ATP10A: variants seen among roughly 807,000 people sequenced by gnomAD.
ATP10A encodes the protein ATPase phospholipid transporting 10A (putative).
ATP10A carries 111 observed loss-of-function variants against 147.8 expected under a neutral mutation model. The ratio of observed to expected loss-of-function variants is 0.75; its 90% CI spans 0.64 to 0.88. ATP10A has a LOEUF of 0.88. Ranked by LOEUF, ATP10A falls within the 40% of genes least tolerant of loss-of-function variation. The pLI, the probability that ATP10A is intolerant of heterozygous loss-of-function variation, is 0.00. For synonymous variants in ATP10A, 875 were observed against 841.6 expected (o/e 1.04, Z -0.69); for missense variants, 1,927 against 1,959.0 (o/e 0.98, Z 0.31).
chr15:25,711,647 T>C (rs1901427850), intron 10 of ATP10A, among the ~76,000 whole-genome samples: 2 of 152,278 alleles, frequency 1.3e-5, no homozygotes, highest in South Asian at 4.2e-4. Context: ...TTGATTAACT[T>C]TTCCTATCAA....
intron 2 of ATP10A, among the ~76,000 whole-genome samples, chr15:25,774,297 G>A (rs769159257): frequency 1.3e-5 from 2 of 152,080 alleles, no homozygotes; most frequent in East Asian, 1.9e-4. Context: ...TCAGAGGTTC[G>A]GGTGCGGTAG....
chr15:25,860,220 C>A (rs1893697354), intron 1 of ATP10A, among the ~76,000 whole-genome samples: 1 of 152,136 alleles, frequency 6.6e-6, no homozygotes. Flanking sequence ...CACCCCCCGC[C>A]CCCGATCTCT....
At chr15:25,849,137 C>T (rs1450990194) in intron 1 of ATP10A, among the ~76,000 whole-genome samples, 1 of 151,924 alleles carries the variant, frequency 6.6e-6, no homozygotes, top group African/African-American at 2.4e-5. Context: ...TGAATAACCT[C>T]GGTGGACCCT....
intron 2 of ATP10A, among the ~76,000 whole-genome samples, chr15:25,767,383 G>A (rs375089986): frequency 2.2e-4 from 34 of 152,318 alleles, no homozygotes; most frequent in African/African-American, 7.7e-4. Flanking sequence ...TCTGCTGGGA[G>A]ACCTGGATGA....
At chr15:25,700,124 T>A (rs1381575772) in intron 13 of ATP10A, among the ~76,000 whole-genome samples, 1 of 152,094 alleles carries the variant, frequency 6.6e-6, no homozygotes, top group East Asian at 1.9e-4. Context: ...AATAAGCACA[T>A]GGAAAGATGT....
At position 25,795,668 on chromosome 15, in the gene ATP10A, T is replaced by C. The variant is rs148251135; in HGVS notation, c.450-14445A>G. 7.1e-3 allele frequency among the ~76,000 whole-genome samples: 1,088 copies of C among 152,280 alleles called. 19 individuals carry two copies. Among genetic ancestry groups the C allele is most frequent in the African/African-American group, 0.024 (1,001 of 41,554 alleles). On this transcript the variant is annotated intron_variant, in intron 1 of 20. Coordinates refer to ENST00000555815, the MANE Select transcript of ATP10A (RefSeq NM_024490.4). Reference sequence around the variant, plus strand: ...CTGTCTGGAAGTATTTCTTTAGATATCATTTTATTCCTTCACTCTGCAGTC... The same window carrying C: ...CTGTCTGGAAGTATTTCTTTAGATACCATTTTATTCCTTCACTCTGCAGTC...
At chr15:25,702,391 C>A (rs1320510489) in intron 12 of ATP10A, among the ~76,000 whole-genome samples, 1 of 152,180 alleles carries the variant, frequency 6.6e-6, no homozygotes, top group Non-Finnish European at 1.5e-5. Context: ...TGTACTTACA[C>A]CAAAGTACCT....
intron 2 of ATP10A, among the ~76,000 whole-genome samples, chr15:25,749,464 C>CA (rs1432135277): frequency 6.6e-6 from 1 of 152,136 alleles, no homozygotes; most frequent in Non-Finnish European, 1.5e-5. Context: ...AGTCTTGCCT[C>CA]AGGAGTGGAG....
chr15:25,797,761 C>G (rs936457664), intron 1 of ATP10A, among the ~76,000 whole-genome samples: 2 of 152,108 alleles, frequency 1.3e-5, no homozygotes. Flanking sequence ...GGCACATCAC[C>G]AGGAGACTGC....
chr15:25,740,896 A>G (rs1171074888), intron 2 of ATP10A, among the ~76,000 whole-genome samples: 1 of 152,174 alleles, frequency 6.6e-6, no homozygotes, highest in African/African-American at 2.4e-5. Context: ...CTCGGCTACC[A>G]TCCCTCCCAG....
At chr15:25,728,001 G>A (rs1456143314) in intron 3 of ATP10A, among the ~76,000 whole-genome samples, 1 of 152,200 alleles carries the variant, frequency 6.6e-6, no homozygotes, top group Non-Finnish European at 1.5e-5. Context: ...AACCGGAACT[G>A]TAGCCCAGGC....
intron 7 of ATP10A, among the ~76,000 whole-genome samples, chr15:25,719,251 T>C (rs1441743204): frequency 1.3e-5 from 2 of 152,180 alleles, no homozygotes; most frequent in Admixed American, 6.5e-5. Context: ...GAGATACTTA[T>C]GGAGCCGGCC....
chr15:25,679,666 G>A lies in ATP10A; in HGVS notation c.4175C>T (p.Ala1392Val), dbSNP rs1403290397. 1.2e-5 allele frequency: 19 copies of A among 1,613,250 alleles called. No individual in the cohort carries two copies. Among genetic ancestry groups the A allele is most frequent in the Non-Finnish European group, 1.6e-5 (19 of 1,180,004 alleles). Residue 1392 changes from alanine to valine, a missense_variant, in exon 21 of 21, where the codon GCC becomes GTC. Coordinates refer to ENST00000555815, the MANE Select transcript of ATP10A (RefSeq NM_024490.4). ...CTCCCCTGGCGCAGAGGACATGGGG[G>A]CCGGTGCGCTCAGCCCCTCCAGCAG... ...HTLLEGLSAP[A>V]PMSSAPGEAV...
chr15:25,789,310 C>A (rs1223658165), intron 1 of ATP10A, among the ~76,000 whole-genome samples: 1 of 152,086 alleles, frequency 6.6e-6, no homozygotes, highest in African/African-American at 2.4e-5. Context: ...ACCTAACATG[C>A]AGACCAACTA....
chr15:25,805,894 T>C (rs1046097701), intron 1 of ATP10A, among the ~76,000 whole-genome samples: 1 of 152,242 alleles, frequency 6.6e-6, no homozygotes, highest in African/African-American at 2.4e-5. Context: ...TGCCATTTAT[T>C]TGGAATAGTT....
At chr15:25,816,240 T>G (rs898478089) in intron 1 of ATP10A, among the ~76,000 whole-genome samples, 2 of 5,602 alleles carry the variant, frequency 3.6e-4, no homozygotes, top group Non-Finnish European at 9.8e-4. Flanking sequence ...TTTTGCTTTG[T>G]TTTTTTTGAT....
chr15:25,715,571 G>C (rs2140399762), intron 9 of ATP10A, among the ~76,000 whole-genome samples: 1 of 152,366 alleles, frequency 6.6e-6, no homozygotes. Flanking sequence ...TAATGCTGGG[G>C]GCAGAGCCCA....
At chr15:25,678,676 T>C (rs1899197641), downstream of ATP10A, 1 of 152,234 alleles carries the variant, frequency 6.6e-6, no homozygotes, top group African/African-American at 2.4e-5. Flanking sequence ...CAGGTATTAA[T>C]CATTTCATAC....
intron 1 of ATP10A, among the ~76,000 whole-genome samples, chr15:25,790,454 AG>A (rs1890359214): frequency 6.6e-6 from 1 of 152,180 alleles, no homozygotes. Context: ...TAAGTCAGAA[AG>A]GGCTGAATGT....
Sources: gnomAD v4.1 joint callset for allele counts (sites outside exome capture counted in the v4.1 genomes callset) on GRCh38, gnomAD v4.1.1 for gene constraint, MANE v1.5 for transcripts, NCBI Gene and HGNC (gene_info 2026-07-23, HGNC 2026-07-21) for gene names.